PALS1: variants seen among roughly 807,000 people sequenced by gnomAD.
PALS1 encodes the protein protein associated with LIN7 1, MAGUK p55 family member, also known as protein PALS1.
A neutral mutation model predicts 78.9 loss-of-function variants in PALS1; 31 were observed. The ratio of observed to expected loss-of-function variants is 0.39; its 90% confidence interval spans 0.30 to 0.53. The LOEUF (loss-of-function observed/expected upper bound fraction) is 0.53, where lower values mean the gene tolerates loss of function less well. PALS1 is among the 20% of genes least tolerant of loss of function. The probability of loss-of-function intolerance (pLI) is 0.67; values close to 1 mark genes in which losing one functional copy is unlikely to be tolerated. For missense variants in PALS1, 704 were observed against 826.5 expected (o/e 0.85, Z 1.82); for synonymous variants, 276 against 270.9 (o/e 1.02, Z -0.18).
chr14:67,305,650 AT>A (rs574438683), intron 8 of PALS1, among the ~76,000 whole-genome samples: 2 of 152,170 alleles, frequency 1.3e-5, no homozygotes, highest in Non-Finnish European at 2.9e-5. Context: ...AAGAAAAGCC[AT>A]TTTTTTCATG....
intron 1 of PALS1, among the ~76,000 whole-genome samples, chr14:67,266,890 A>C (rs2084335280): frequency 6.6e-6 from 1 of 152,002 alleles, no homozygotes. Context: ...TGGACAGATC[A>C]CTTGAGCCTA....
intron 1 of PALS1, among the ~76,000 whole-genome samples, chr14:67,254,886 C>T (rs537481073): frequency 2.8e-4 from 42 of 152,328 alleles, no homozygotes; most frequent in African/African-American, 9.6e-4. Context: ...CGCAGTGGCT[C>T]ACACCTGTAA....
rs1354704132 is a variant in PALS1, at chr14:67,333,983, T to C, written c.*1027T>C. ...TGATGAATATAGCTGCTGTACTGTA[T>C]ATTAATATTTAATAGATCAACAAAT... On this transcript the variant is annotated 3_prime_UTR_variant, in exon 15 of 15. Transcript: ENST00000261681. 6.6e-6 allele frequency: 1 copy of C among 152,638 alleles called. No homozygotes were observed. Among genetic ancestry groups the C allele is most frequent in the African/African-American group, 2.4e-5 (1 of 41,474 alleles). The allele number at this position is 152,638 out of a possible 1,614,324, so 9.5% of individuals were successfully genotyped here. A position where few individuals can be genotyped will look rare whatever the true frequency, so the allele number is the denominator to read the frequency against.
At position 67,303,514 on chromosome 14, in the gene PALS1, T is replaced by G. The variant is rs2084958258; in HGVS notation, c.964-8T>G. 1 of 1,604,696 alleles carries G rather than the reference T, an allele frequency of 6.2e-7. No individual in the cohort carries two copies. Among genetic ancestry groups the G allele is most frequent in the Non-Finnish European group, 8.5e-7 (1 of 1,171,578 alleles). ...AATTTAAAAAATAACCTGATCTTTC[T>G]ATTACAGTCTGATATGCATGGTACT... On this transcript the variant is annotated splice_polypyrimidine_tract_variant and splice_region_variant and intron_variant, in intron 7 of 14. Coordinates refer to ENST00000261681, the MANE Select transcript of PALS1 (RefSeq NM_022474.4).
chr14:67,302,101 G>T lies in PALS1; in HGVS notation c.784G>T (p.Ala262Ser). Residue 262 changes from alanine (A) to serine (S), a missense_variant, in exon 6 of 15, where the codon GCT (alanine) becomes TCT (serine). Transcript: ENST00000261681. ...ETVKIVRIEK[A>S]RDIPLGATVR... ...TGTAAAAATAGTTCGTATAGAAAAGGCTCGTGATATTCCGTTGGTAAGTGT... is the reference window on the plus strand; with the variant it reads ...TGTAAAAATAGTTCGTATAGAAAAGTCTCGTGATATTCCGTTGGTAAGTGT... 6.2e-7 allele frequency: 1 copy of T among 1,602,874 alleles called. No individual in the cohort carries two copies. Among genetic ancestry groups the T allele is most frequent in the South Asian group, 1.1e-5 (1 of 89,282 alleles).
chr14:67,284,826 CA>C (rs2084661367), intron 3 of PALS1, among the ~76,000 whole-genome samples: 1 of 152,092 alleles, frequency 6.6e-6, no homozygotes, highest in Non-Finnish European at 1.5e-5. Flanking sequence ...ATCAGTACTT[CA>C]TTTCTTTTTT....
At chr14:67,285,910 T>G (rs2084677997) in intron 3 of PALS1, among the ~76,000 whole-genome samples, 1 of 152,196 alleles carries the variant, frequency 6.6e-6, no homozygotes, top group African/African-American at 2.4e-5. Context: ...TCTGATTAGT[T>G]GTATCCTAAA....
chr14:67,254,941 G>A (rs969596766), intron 1 of PALS1, among the ~76,000 whole-genome samples: 4 of 152,214 alleles, frequency 2.6e-5, no homozygotes, highest in African/African-American at 9.6e-5. Context: ...ACGAGGTCAA[G>A]AGATTGAGAC....
At chr14:67,265,834 G>A (rs1012924189) in intron 1 of PALS1, among the ~76,000 whole-genome samples, 6 of 149,598 alleles carry the variant, frequency 4.0e-5, no homozygotes, top group Non-Finnish European at 8.9e-5. Flanking sequence ...TCCAGCCTGG[G>A]TGACAGAGTG....
chr14:67,320,153 T>A (rs541060019), intron 11 of PALS1, 77 bp from the exon 12 acceptor site: 25 of 1,356,368 alleles, frequency 1.8e-5, no homozygotes, highest in Non-Finnish European at 2.4e-5. Flanking sequence ...TAATTTTGGG[T>A]GAAGATCTAT....
At chr14:67,312,455 C>T (rs1272360616) in intron 8 of PALS1, 72 bp from the exon 9 acceptor site, 3 of 1,077,998 alleles carry the variant, frequency 2.8e-6, no homozygotes, top group African/African-American at 3.3e-5. Context: ...AAATTTGTAG[C>T]ATTTAAATTG....
intron 14 of PALS1, among the ~76,000 whole-genome samples, chr14:67,324,653 T>C (rs2085322626): frequency 6.6e-6 from 1 of 151,886 alleles, no homozygotes; most frequent in Non-Finnish European, 1.5e-5. Flanking sequence ...GGCATGTTCA[T>C]GGCTCACTGC....
rs376666409 is a variant in PALS1, at chr14:67,328,843, GT to G, written c.1852-3933del. 6.1e-4 allele frequency among the ~76,000 whole-genome samples: 93 copies of G among 152,304 alleles called. 1 individual carries two copies. Among genetic ancestry groups the G allele is most frequent in the African/African-American group, 2.2e-3 (92 of 41,572 alleles). On this transcript the variant is annotated intron_variant, in intron 14 of 14. Transcript: ENST00000261681. ...TTCTGTTCCATTGGTCTGTATCTCT[GT>G]TTTGGTACCAGTAGCATGCTGTTTT...
At chr14:67,275,140 A>C (rs140788890) in intron 2 of PALS1, among the ~76,000 whole-genome samples, 2 of 152,266 alleles carry the variant, frequency 1.3e-5, no homozygotes, top group African/African-American at 4.8e-5. Flanking sequence ...GCCTTGGCCA[A>C]AACTTCCAAC....
chr14:67,264,091 A>G (rs1379849667), intron 1 of PALS1, among the ~76,000 whole-genome samples: 4 of 152,182 alleles, frequency 2.6e-5, no homozygotes, highest in Admixed American at 1.3e-4. Flanking sequence ...TGAACATATA[A>G]GGTTGGTGTA....
intron 4 of PALS1, among the ~76,000 whole-genome samples, chr14:67,295,854 G>C (rs895939025): frequency 4.6e-5 from 7 of 152,164 alleles, no homozygotes; most frequent in African/African-American, 2.4e-5. Context: ...AATTTCACTT[G>C]TAGGTATATA....
intron 11 of PALS1, among the ~76,000 whole-genome samples, chr14:67,317,830 C>T (rs1020776673): frequency 6.6e-6 from 1 of 152,166 alleles, no homozygotes; most frequent in Non-Finnish European, 1.5e-5. Flanking sequence ...TCCTGAGAAC[C>T]CACTACCTGC....
At chr14:67,268,670 C>A (rs562267874) in intron 1 of PALS1, among the ~76,000 whole-genome samples, 1 of 152,188 alleles carries the variant, frequency 6.6e-6, no homozygotes, top group Non-Finnish European at 1.5e-5. Context: ...CATGCTAACG[C>A]ATTATAATTA....
intron 8 of PALS1, among the ~76,000 whole-genome samples, chr14:67,309,208 C>CT (rs1566568944): frequency 6.6e-6 from 1 of 151,968 alleles, no homozygotes; most frequent in African/African-American, 2.4e-5. Context: ...TTTAAAGGGG[C>CT]TTTTTTTGTT....
Sources: allele counts gnomAD v4.1 joint callset (sites outside exome capture counted in the v4.1 genomes callset), GRCh38; gene constraint gnomAD v4.1.1; transcripts MANE v1.5; gene names NCBI Gene and HGNC (gene_info 2026-07-23, HGNC 2026-07-21).